Variants in ARID5B observed in about 807,000 individuals in gnomAD.
ARID5B encodes the protein AT-rich interaction domain 5B, also known as AT-rich interactive domain-containing protein 5B.
A neutral mutation model predicts 97.2 loss-of-function variants in ARID5B; 13 were observed. The observed-to-expected ratio is 0.13, with a 90% CI of 0.09 to 0.21. The LOEUF (loss-of-function observed/expected upper bound fraction) is 0.21. ARID5B is among the 10% of genes least tolerant of loss of function. The pLI, the probability that ARID5B is intolerant of heterozygous loss-of-function variation, is 1.00. For synonymous variants in ARID5B, 556 were observed against 570.3 expected (o/e 0.97, Z 0.36); for missense variants, 1,210 against 1,465.3 (o/e 0.83, Z 2.84).
chr10:61,971,102 CCTTTTGGCTGG>C (rs1436499020), intron 3 of ARID5B, among the ~76,000 whole-genome samples: 2 of 152,158 alleles, frequency 1.3e-5, no homozygotes, highest in African/African-American at 2.4e-5. Context: ...TGGCATCCTG[CCTTTTGGCTGG>C]AATTTTTGAG....
At chr10:62,079,253 A>C (rs1048359500) in intron 8 of ARID5B, among the ~76,000 whole-genome samples, 1 of 149,096 alleles carries the variant, frequency 6.7e-6, no homozygotes, top group Non-Finnish European at 1.5e-5. Context: ...CTGGACTAGC[A>C]GAGGCAGGCA....
At chr10:61,964,928 T>C (rs1007352384) in intron 3 of ARID5B, among the ~76,000 whole-genome samples, 2 of 152,244 alleles carry the variant, frequency 1.3e-5, no homozygotes, top group African/African-American at 4.8e-5. Context: ...AGAATGAAGT[T>C]CTTGGGAAGA....
intron 4 of ARID5B, among the ~76,000 whole-genome samples, chr10:62,010,578 A>G (rs1839204263): frequency 1.3e-5 from 2 of 152,246 alleles, no homozygotes; most frequent in Admixed American, 6.5e-5. Context: ...TTTCATTCTC[A>G]AGGCAGAGTG....
At chr10:62,085,242 C>CTA (rs1369734706) in intron 8 of ARID5B, among the ~76,000 whole-genome samples, 7 of 152,212 alleles carry the variant, frequency 4.6e-5, no homozygotes, top group Non-Finnish European at 7.3e-5. Context: ...CTAGTACCTA[C>CTA]TAGAATATAA....
intron 3 of ARID5B, among the ~76,000 whole-genome samples, chr10:61,995,854 T>G (rs1838988721): frequency 6.6e-6 from 1 of 152,132 alleles, no homozygotes; most frequent in Non-Finnish European, 1.5e-5. Context: ...TCCAGTTTGG[T>G]AAATATTAAA....
At chr10:61,937,822 GT>G (rs1844332004) in intron 2 of ARID5B, among the ~76,000 whole-genome samples, 1 of 152,178 alleles carries the variant, frequency 6.6e-6, no homozygotes, top group Non-Finnish European at 1.5e-5. Context: ...ACAAAGTAAT[GT>G]TTCCTGAGAC....
chr10:61,916,129 T>C (rs1843899275), intron 2 of ARID5B, among the ~76,000 whole-genome samples: 1 of 152,306 alleles, frequency 6.6e-6, no homozygotes, highest in African/African-American at 2.4e-5. Context: ...TCTTGCCTCA[T>C]CGCAACCTCT....
At chr10:61,918,408 A>T (rs895223945) in intron 2 of ARID5B, among the ~76,000 whole-genome samples, 2 of 152,106 alleles carry the variant, frequency 1.3e-5, no homozygotes, top group African/African-American at 4.8e-5. Flanking sequence ...CAAAACCATG[A>T]CCTGGCTTAT....
chr10:62,042,586 G>A (rs1388600703), intron 4 of ARID5B, among the ~76,000 whole-genome samples: 3 of 152,162 alleles, frequency 2.0e-5, no homozygotes, highest in Non-Finnish European at 4.4e-5. Flanking sequence ...GTCCTAAGAT[G>A]TCCGCTCTGC....
rs140763160 is a variant in ARID5B at position 62,035,132 on chromosome 10, T to G, written c.734-15756T>G. On this transcript the variant is annotated intron_variant, in intron 4 of 9. Coordinates refer to ENST00000279873, the MANE Select transcript of ARID5B (RefSeq NM_032199.3). ...TGTGGGTGTATATGTCTTCCCCTTATTAATGGTGATGGTGACCTAGGGAAG... is the reference window on the plus strand; with the variant it reads ...TGTGGGTGTATATGTCTTCCCCTTAGTAATGGTGATGGTGACCTAGGGAAG... Among the ~76,000 whole-genome samples, 569 of 152,310 alleles carry G rather than the reference T, an allele frequency of 3.7e-3. 5 individuals carry two copies. The highest frequency in any genetic ancestry group is 0.013 in the African/African-American group (540 of 41,572).
chr10:62,040,548 T>C (rs2132916896), intron 4 of ARID5B, among the ~76,000 whole-genome samples: 1 of 152,288 alleles, frequency 6.6e-6, no homozygotes, highest in East Asian at 1.9e-4. Flanking sequence ...TAACATTGAA[T>C]TATTGACTAA....
intron 7 of ARID5B, among the ~76,000 whole-genome samples, chr10:62,067,033 G>C (rs1335984674): frequency 6.6e-6 from 1 of 151,752 alleles, no homozygotes; most frequent in Non-Finnish European, 1.5e-5. Flanking sequence ...TGACTGGATG[G>C]ATTCTGATAT....
intron 3 of ARID5B, among the ~76,000 whole-genome samples, chr10:61,966,597 C>A (rs144986094): frequency 1.3e-5 from 2 of 152,054 alleles, no homozygotes; most frequent in Non-Finnish European, 2.9e-5. Flanking sequence ...CCTGGCTTTA[C>A]CACATTTTCC....
chr10:61,904,328 C>A (rs1399909542), intron 2 of ARID5B, among the ~76,000 whole-genome samples: 1 of 151,974 alleles, frequency 6.6e-6, no homozygotes, highest in Non-Finnish European at 1.5e-5. Flanking sequence ...TGAGTTGACC[C>A]CACTTGGTAC....
intron 2 of ARID5B, among the ~76,000 whole-genome samples, chr10:61,938,807 A>G (rs1564607454): frequency 1.3e-5 from 2 of 152,026 alleles, no homozygotes; most frequent in South Asian, 4.1e-4. Flanking sequence ...GCTGCTGCCT[A>G]ATAGACTTTC....
intron 3 of ARID5B, among the ~76,000 whole-genome samples, chr10:61,964,141 G>C (rs1181500516): frequency 6.6e-6 from 1 of 152,036 alleles, no homozygotes; most frequent in Non-Finnish European, 1.5e-5. Context: ...AGTCTAAATG[G>C]ACACAAACCT....
chr10:61,908,799 CAAAAAAAAAAA>C (rs369792859), intron 2 of ARID5B, among the ~76,000 whole-genome samples: 1 of 50,994 alleles, frequency 2.0e-5, no homozygotes, highest in Non-Finnish European at 3.5e-5. Context: ...GACTCCATCT[CAAAAAAAAAAA>C]AAAAAAAAAA....
At chr10:61,913,979 G>A (rs540662700) in intron 2 of ARID5B, among the ~76,000 whole-genome samples, 3 of 152,246 alleles carry the variant, frequency 2.0e-5, no homozygotes, top group South Asian at 2.1e-4. Flanking sequence ...TTGAACTCCC[G>A]ACCTCAGGTG....
intron 2 of ARID5B, among the ~76,000 whole-genome samples, chr10:61,902,986 C>G (rs931828820): frequency 6.6e-6 from 1 of 152,134 alleles, no homozygotes; most frequent in African/African-American, 2.4e-5. Context: ...ATAATACATT[C>G]AAATAACTTG....
Sources: gnomAD v4.1 joint callset for allele counts (sites outside exome capture counted in the v4.1 genomes callset) on GRCh38, gnomAD v4.1.1 for gene constraint, MANE v1.5 for transcripts, NCBI Gene and HGNC (gene_info 2026-07-23, HGNC 2026-07-21) for gene names.